The following UBR4 variants were observed in gnomAD, a reference collection of about 807,000 sequenced individuals.
UBR4 encodes the protein ubiquitin protein ligase E3 component n-recognin 4.
A neutral mutation model predicts 575.6 loss-of-function variants in UBR4; 124 were observed. The observed-to-expected ratio is 0.22, with a 90% confidence interval of 0.19 to 0.25. The LOEUF (loss-of-function observed/expected upper bound fraction) is 0.25, where lower values mean the gene tolerates loss of function less well. Among genes scored for constraint, UBR4 ranks in the 10% least tolerant of loss-of-function variants. The pLI is 1.00. For missense variants in UBR4, 4,818 were observed against 6,478.8 expected (o/e 0.74, Z 8.80); for synonymous variants, 2,455 against 2,473.7 (o/e 0.99, Z 0.22).
Position 19,161,912 on chromosome 1 carries a change from A to C in UBR4, c.4957-15T>G, listed in dbSNP as rs1281284348. 2 of 1,613,770 alleles carry C rather than the reference A, an allele frequency of 1.2e-6. No individual in the cohort carries two copies. The highest frequency in any genetic ancestry group is 1.7e-6 in the Non-Finnish European group (2 of 1,179,940). The stretch of plus-strand genomic sequence containing the variant: ...GAATCTTCATCCTTCAAAAATAATA[A>C]GTCTTTTTAATTCGAAATATATCCC... On this transcript the variant is annotated splice_polypyrimidine_tract_variant and intron_variant, in intron 35 of 105. Transcript: ENST00000375254.
rs556599204 is a variant in UBR4 at position 19,204,429 on chromosome 1, T to A, written c.177-2614A>T. On this transcript the variant is annotated intron_variant, in intron 1 of 105. Coordinates refer to ENST00000375254, the MANE Select transcript of UBR4 (RefSeq NM_020765.3). ...TTCAGAGCTGCTTATCCCCACTTTT[T>A]CCAGCTGAACAGGTTTACCAAATCT... 7.9e-4 allele frequency among the ~76,000 whole-genome samples: 120 copies of A among 152,182 alleles called. 1 individual carries two copies. The highest frequency in any genetic ancestry group is 2.6e-3 in the African/African-American group (107 of 41,534).
Position 19,115,477 on chromosome 1 carries a change from G to A in UBR4, c.10984C>T (p.Arg3662Cys). ...QASTETLQCP[R>C]CSASVPANPG... The stretch of plus-strand genomic sequence containing the variant: ...TTGGCAGGGACCGAGGCACTACAGC[G>A]AGGGCACTGCAGGGTCTCTGTGGAG... The change falls in exon 74 of 106, where the codon CGC becomes TGC. Residue 3662 changes from arginine to cysteine, a missense_variant. Coordinates refer to ENST00000375254, the MANE Select transcript of UBR4 (RefSeq NM_020765.3). 1.9e-6 allele frequency: 3 copies of A among 1,614,222 alleles called. No homozygotes were observed. Among genetic ancestry groups the A allele is most frequent in the Non-Finnish European group, 1.7e-6 (2 of 1,180,036 alleles).
At chr1:19,204,370 G>GTTTATTTCCAAAGTTCCTGA (rs1279220859) in intron 1 of UBR4, among the ~76,000 whole-genome samples, 1 of 151,862 alleles carries the variant, frequency 6.6e-6, no homozygotes, top group Non-Finnish European at 1.5e-5. Context: ...ATTTTACTGG[G>GTTTATTTCCAAAGTTCCTGA]TTTATTTCCA....
At position 19,160,769 on chromosome 1, in the gene UBR4, G is replaced by T. The variant is rs17391011; in HGVS notation, c.5406+148C>A. On this transcript the variant is annotated intron_variant, in intron 38 of 105. Coordinates refer to ENST00000375254, the MANE Select transcript of UBR4 (RefSeq NM_020765.3). The stretch of plus-strand genomic sequence containing the variant: ...CAGTCATAAATCCTTCCCTCGTGAC[G>T]ACAATACATAGTATTTGCATTCACA... 21 of 766,726 alleles carry T rather than the reference G, an allele frequency of 2.7e-5. No homozygotes were observed. The East Asian group carries it at 5.6e-4, about 21-fold the overall frequency. 47.5% of individuals were successfully genotyped at this position (766,726 alleles called of 1,614,324 possible). A position where few individuals can be genotyped will look rare whatever the true frequency, so the allele number is the denominator to read the frequency against.
At chr1:19,199,098 G>C (rs1186087470) in intron 3 of UBR4, among the ~76,000 whole-genome samples, 170 bp from the exon 4 acceptor site, 1 of 152,188 alleles carries the variant, frequency 6.6e-6, no homozygotes, top group Non-Finnish European at 1.5e-5. Context: ...TTATAGATTT[G>C]TCTTATTGTT....
At chr1:19,123,179 C>T (rs548653851) in intron 65 of UBR4, 119 bp from the exon 66 acceptor site, 63 of 1,085,824 alleles carry the variant, frequency 5.8e-5, no homozygotes, top group East Asian at 5.2e-5. Context: ...AGGCCGGGCA[C>T]GGTGGCTCAC....
intron 1 of UBR4, among the ~76,000 whole-genome samples, chr1:19,209,537 T>G (rs1169990406): frequency 6.6e-6 from 1 of 152,108 alleles, no homozygotes. Context: ...CACACTGAAA[T>G]GTTTTTAATC....
intron 21 of UBR4, 144 bp from the exon 22 acceptor site, chr1:19,174,591 T>G: frequency 8.1e-7 from 1 of 1,239,158 alleles, no homozygotes; most frequent in Non-Finnish European, 1.1e-6. Context: ...AGATTCCCAT[T>G]CTGGGACATT....
rs1431566426 is a variant in UBR4 at position 19,156,868 on chromosome 1, A to G, written c.5818T>C (p.Leu1940=). 12 of 1,614,052 alleles carry G rather than the reference A, an allele frequency of 7.4e-6. No homozygotes were observed. The highest frequency in any genetic ancestry group is 1.0e-5 in the Non-Finnish European group (12 of 1,180,016). Residue 1940 remains leucine, a synonymous_variant, in exon 41 of 106, where the codon TTA becomes CTA. Transcript: ENST00000375254. ...LKQADSSKRK[L]TLTRLASAPV... ...GCAGAAGCCAAGCGGGTCAGAGTTA[A>G]CTTCCTTTTGCTGGAATCTGCTTGC...
Position 19,167,099 on chromosome 1 carries a change from A to G in UBR4, c.4032T>C (p.Asp1344=), listed in dbSNP as rs1401993490. The change falls in exon 29 of 106, where the codon GAT becomes GAC. Residue 1344 remains aspartate, a synonymous_variant. Transcript: ENST00000375254. ...TCTCATAAACACGAGCCAAGAACTC[A>G]TCAGACTCAGCAGGGCCCAAGATGC... The part of the protein sequence containing the change: ...LERILGPAES[D]EFLARVYEKL... 3 of 1,614,122 alleles carry G rather than the reference A, an allele frequency of 1.9e-6. No individual in the cohort carries two copies. Among genetic ancestry groups the G allele is most frequent in the African/African-American group, 2.7e-5 (2 of 74,930 alleles).
At chr1:19,170,009 C>T (rs2089247294) in intron 26 of UBR4, among the ~76,000 whole-genome samples, 1 of 152,132 alleles carries the variant, frequency 6.6e-6, no homozygotes, top group Admixed American at 6.5e-5. Flanking sequence ...ATATTTAAAG[C>T]TTGAAATTAA....
rs1254292284 is a variant in UBR4 at position 19,121,437 on chromosome 1, G to A, written c.9896-3C>T. 6.2e-6 allele frequency: 10 copies of A among 1,611,622 alleles called. No individual in the cohort carries two copies. Among genetic ancestry groups the A allele is most frequent in the South Asian group, 1.1e-5 (1 of 90,950 alleles). ...TTGGAGGAGGAAGTACAGGACGGCT[G>A]CAAGCAGAGGAGACAGAGGCTCACC... On this transcript the variant is annotated splice_region_variant and splice_polypyrimidine_tract_variant and intron_variant, in intron 67 of 105. Transcript: ENST00000375254.
At chr1:19,205,877 A>G (rs1489679870) in intron 1 of UBR4, among the ~76,000 whole-genome samples, 2 of 152,234 alleles carry the variant, frequency 1.3e-5, no homozygotes, top group African/African-American at 4.8e-5. Context: ...TAAAAAGGCC[A>G]GGTCAGCTCA....
chr1:19,154,352 GAA>G (rs1033164654), intron 44 of UBR4, among the ~76,000 whole-genome samples: 1 of 152,232 alleles, frequency 6.6e-6, no homozygotes, highest in African/African-American at 2.4e-5. Flanking sequence ...AGGTCTGAGA[GAA>G]AGTGCTACAA....
rs569193241 is a variant in UBR4 at position 19,210,146 on chromosome 1, G to A, written c.103C>T (p.Pro35Ser). The A allele has an allele frequency of 1.9e-6, 3 of 1,577,386 alleles. No homozygotes were observed. The highest frequency in any genetic ancestry group is 2.6e-6 in the Non-Finnish European group (3 of 1,165,182). ...TTPGWEVAVR[P>S]LLSASYSAFE... ...GCGGAGTAGGACGCGGACAGCAGGGGCCGCACAGCCACCTCCCAGCCCGGG... is the reference window on the plus strand; with the variant it reads ...GCGGAGTAGGACGCGGACAGCAGGGACCGCACAGCCACCTCCCAGCCCGGG... The change falls in exon 1 of 106, where the codon CCC becomes TCC. Residue 35 changes from proline (P) to serine (S), a missense_variant. By Grantham distance (74) the Pro-to-Ser change is moderately conservative. Transcript: ENST00000375254.
chr1:19,204,846 T>C (rs1388161179), intron 1 of UBR4, among the ~76,000 whole-genome samples: 1 of 152,162 alleles, frequency 6.6e-6, no homozygotes, highest in Non-Finnish European at 1.5e-5. Context: ...ACAGTGTGCA[T>C]GAGTCAGCTA....
Position 19,084,494 on chromosome 1 carries a change from G to A in UBR4, c.15008+10C>T, listed in dbSNP as rs1243546207. The A allele has an allele frequency of 9.5e-6, 15 of 1,586,628 alleles. No homozygotes were observed. Among genetic ancestry groups the A allele is most frequent in the African/African-American group, 1.3e-5 (1 of 74,538 alleles). On this transcript the variant is annotated intron_variant, in intron 102 of 105. Transcript: ENST00000375254. Reference sequence around the variant, plus strand: ...TGCGAGATGCCGCCCCTGGGACACAGGGTACTGACGTGTTCAGGACGTAAA... The same window carrying A: ...TGCGAGATGCCGCCCCTGGGACACAAGGTACTGACGTGTTCAGGACGTAAA...
chr1:19,165,264 T>G lies in UBR4; in HGVS notation c.4297A>C (p.Lys1433Gln). 1 of 1,614,112 alleles carries G rather than the reference T, an allele frequency of 6.2e-7. No individual in the cohort carries two copies. Residue 1433 changes from lysine to glutamine, a missense_variant, in exon 31 of 106, where the codon AAA becomes CAA. Physicochemically the swap from Lys to Gln is moderately conservative, Grantham distance 53. Coordinates refer to ENST00000375254, the MANE Select transcript of UBR4 (RefSeq NM_020765.3). Reference protein sequence around the residue: ...FCNRVLKFFTKLFQLTEKSPN... With the variant: ...FCNRVLKFFTQLFQLTEKSPN... ...TGTCACTCACTCAGCTGGAAGAGTT[T>G]GGTGAAGAATTTCAAAACTCGGTTA...
intron 18 of UBR4, among the ~76,000 whole-genome samples, chr1:19,178,235 G>A (rs2090490670): frequency 6.6e-6 from 1 of 152,174 alleles, no homozygotes; most frequent in African/African-American, 2.4e-5. Flanking sequence ...TAACTCGATA[G>A]ACTATAAAGC....
Sources: allele counts gnomAD v4.1 joint callset (sites outside exome capture counted in the v4.1 genomes callset), GRCh38; gene constraint gnomAD v4.1.1; transcripts MANE v1.5; gene names NCBI Gene and HGNC (gene_info 2026-07-23, HGNC 2026-07-21).